ELAPOR1: variants seen among roughly 807,000 people sequenced by gnomAD.
The protein encoded by ELAPOR1 is endosome/lysosome-associated apoptosis and autophagy regulator 1.
A neutral mutation model predicts 119.7 loss-of-function variants in ELAPOR1; 77 were observed. That is an observed-to-expected ratio of 0.64 (90% confidence interval 0.54 to 0.78). The LOEUF (loss-of-function observed/expected upper bound fraction) is 0.78. Ranked by LOEUF, ELAPOR1 falls within the 30% of genes least tolerant of loss-of-function variation. ELAPOR1 has a pLI of 0.00. For missense variants in ELAPOR1, 1,115 were observed against 1,270.4 expected, an observed-to-expected ratio of 0.88 and a Z score of 1.86; for synonymous variants, 481 against 487.2, an observed-to-expected ratio of 0.99 and a Z score of 0.17.
chr1:109,146,429 C>G (rs1445150902), intron 1 of ELAPOR1, among the ~76,000 whole-genome samples: 1 of 152,136 alleles, frequency 6.6e-6, no homozygotes, highest in Non-Finnish European at 1.5e-5. Flanking sequence ...CTGTGTGGCT[C>G]TTTATGACCT....
chr1:109,188,707 C>G (rs1408053664), intron 9 of ELAPOR1, among the ~76,000 whole-genome samples: 1 of 152,156 alleles, frequency 6.6e-6, no homozygotes, highest in African/African-American at 2.4e-5. Context: ...AACCTATAAG[C>G]CATGCTGCCT....
At chr1:109,139,997 A>T (rs1048646952) in intron 1 of ELAPOR1, among the ~76,000 whole-genome samples, 3 of 152,218 alleles carry the variant, frequency 2.0e-5, no homozygotes, top group East Asian at 1.9e-4. Context: ...TCCTGAGCTC[A>T]AAAGATCCAC....
intron 21 of ELAPOR1, among the ~76,000 whole-genome samples, chr1:109,201,733 T>A (rs904444374): frequency 2.6e-5 from 4 of 152,140 alleles, no homozygotes; most frequent in African/African-American, 4.8e-5. Flanking sequence ...TCTTTTTTTT[T>A]AAATGAATGG....
chr1:109,131,211 T>C (rs940585682), intron 1 of ELAPOR1, among the ~76,000 whole-genome samples: 1 of 152,142 alleles, frequency 6.6e-6, no homozygotes, highest in Non-Finnish European at 1.5e-5. Context: ...TTGGGCTGCT[T>C]AAGTGTTTTT....
At chr1:109,161,415 A>G in intron 1 of ELAPOR1, among the ~76,000 whole-genome samples, 1 of 149,168 alleles carries the variant, frequency 6.7e-6, no homozygotes, top group Non-Finnish European at 1.5e-5. Context: ...GTCTCAAAAA[A>G]AAAAAAAAAA....
At chr1:109,140,737 C>G (rs1423199222) in intron 1 of ELAPOR1, among the ~76,000 whole-genome samples, 15 of 152,170 alleles carry the variant, frequency 9.9e-5, no homozygotes, top group Admixed American at 9.8e-4. Flanking sequence ...GTTTCATTAT[C>G]AGAGCAAAAG....
At chr1:109,116,923 T>C (rs1409907985) in intron 1 of ELAPOR1, among the ~76,000 whole-genome samples, 4 of 152,322 alleles carry the variant, frequency 2.6e-5, no homozygotes, top group African/African-American at 7.2e-5. Flanking sequence ...ACTCCTGACC[T>C]CAGGTGATCC....
chr1:109,118,251 T>C (rs1379688128), intron 1 of ELAPOR1, among the ~76,000 whole-genome samples: 1 of 152,096 alleles, frequency 6.6e-6, no homozygotes, highest in Non-Finnish European at 1.5e-5. Flanking sequence ...GTTTTCTAGA[T>C]AGAGGGAGGA....
At chr1:109,119,044 C>A (rs947208045) in intron 1 of ELAPOR1, among the ~76,000 whole-genome samples, 4 of 151,758 alleles carry the variant, frequency 2.6e-5, no homozygotes, top group Non-Finnish European at 4.4e-5. Context: ...ATTACAGGTG[C>A]CCGCCACCAT....
At position 109,114,152 on chromosome 1, in the gene ELAPOR1, A is replaced by G. The variant is rs1440886332; in HGVS notation, c.-32A>G. On this transcript the variant is annotated 5_prime_UTR_variant, in exon 1 of 22. Transcript: ENST00000369939. ...GCAGAAGCAGCAGCCGCAGCACCTGAGCCGCTACTGCCGCTCACTCAGGAC... is the reference window on the plus strand; with the variant it reads ...GCAGAAGCAGCAGCCGCAGCACCTGGGCCGCTACTGCCGCTCACTCAGGAC... The G allele has an allele frequency of 1.3e-6, 2 of 1,513,470 alleles. No individual in the cohort carries two copies. Among genetic ancestry groups the G allele is most frequent in the Non-Finnish European group, 1.8e-6 (2 of 1,126,576 alleles). The allele number at this position is 1,513,470 out of a possible 1,614,324, so 93.8% of individuals were successfully genotyped here.
chr1:109,145,859 C>A (rs563882096), intron 1 of ELAPOR1, among the ~76,000 whole-genome samples: 9 of 151,504 alleles, frequency 5.9e-5, no homozygotes, highest in South Asian at 4.2e-4. Context: ...TTTGTACAGA[C>A]AAAAGACAGA....
At chr1:109,170,449 G>A (rs1314480004) in intron 3 of ELAPOR1, among the ~76,000 whole-genome samples, 1 of 152,184 alleles carries the variant, frequency 6.6e-6, no homozygotes, top group African/African-American at 2.4e-5. Context: ...ACCCATAGCA[G>A]AAGCAGATAG....
At chr1:109,164,761 C>T (rs756969539) in intron 3 of ELAPOR1, 70 bp downstream of exon 3, 143 of 1,421,326 alleles carry the variant, frequency 1.0e-4, no homozygotes, top group Non-Finnish European at 1.3e-4. Flanking sequence ...CACTGGACAG[C>T]CTCCTCCGCT....
chr1:109,168,814 T>C (rs1057376882), intron 3 of ELAPOR1, among the ~76,000 whole-genome samples: 1 of 152,174 alleles, frequency 6.6e-6, no homozygotes, highest in African/African-American at 2.4e-5. Flanking sequence ...AGTACTCTTA[T>C]AGTTGAGGTA....
At chr1:109,155,007 A>C (rs1423076829) in intron 1 of ELAPOR1, among the ~76,000 whole-genome samples, 2 of 152,044 alleles carry the variant, frequency 1.3e-5, no homozygotes, top group Admixed American at 6.6e-5. Flanking sequence ...ATGTGTGTTT[A>C]TGTGTGTTTA....
chr1:109,151,508 A>T (rs2101020103), intron 1 of ELAPOR1, among the ~76,000 whole-genome samples: 1 of 152,324 alleles, frequency 6.6e-6, no homozygotes, highest in Admixed American at 6.5e-5. Context: ...CTCTGAAGCA[A>T]AAAGTACAGA....
At position 109,200,810 on chromosome 1, in the gene ELAPOR1, C is replaced by T. The variant is rs746567861; in HGVS notation, c.2883C>T (p.Cys961=). The change falls in exon 21 of 22, where the codon TGC becomes TGT. Residue 961 remains cysteine, a synonymous_variant. Coordinates refer to ENST00000369939, the MANE Select transcript of ELAPOR1 (RefSeq NM_020775.5). The part of the protein sequence containing the change: ...KDCDLPAADS[C]AIMEGEDVED... ...GTGACCTGCCAGCAGCTGACAGCTG[C>T]GCCATCATGGAAGGCGAGGATGTAG... 1.3e-5 allele frequency: 21 copies of T among 1,614,026 alleles called. No individual in the cohort carries two copies. Among genetic ancestry groups the T allele is most frequent in the African/African-American group, 6.7e-5 (5 of 74,910 alleles).
chr1:109,194,783 C>A (rs1653679820), intron 15 of ELAPOR1, among the ~76,000 whole-genome samples, 189 bp downstream of exon 15: 1 of 152,218 alleles, frequency 6.6e-6, no homozygotes, highest in Non-Finnish European at 1.5e-5. Flanking sequence ...ATTATAAACA[C>A]TTAAGAAAAT....
At chr1:109,152,007 G>C (rs1650563656) in intron 1 of ELAPOR1, among the ~76,000 whole-genome samples, 1 of 151,876 alleles carries the variant, frequency 6.6e-6, no homozygotes, top group African/African-American at 2.4e-5. Context: ...TCAGGTAGCT[G>C]GGACTACAGG....
Sources: gnomAD v4.1 joint callset for allele counts (sites outside exome capture counted in the v4.1 genomes callset) on GRCh38, gnomAD v4.1.1 for gene constraint, MANE v1.5 for transcripts, NCBI Gene and HGNC (gene_info 2026-07-23, HGNC 2026-07-21) for gene names.